Variants in SRBD1 observed in about 807,000 individuals in gnomAD.
SRBD1 encodes S1 RNA binding domain 1, also known as S1 RNA-binding domain-containing protein 1.
In SRBD1, 88 loss-of-function variants were observed where a neutral mutation model predicts 115.3. The observed-to-expected ratio is 0.76, with a 90% confidence interval of 0.64 to 0.91. SRBD1 has a LOEUF of 0.91. SRBD1 is among the 40% of genes least tolerant of loss of function. The pLI, the probability that SRBD1 is intolerant of heterozygous loss-of-function variation, is 0.00. For synonymous variants in SRBD1, 509 were observed against 407.7 expected (o/e 1.25, Z -2.99); for missense variants, 1,385 against 1,177.4 (o/e 1.18, Z -2.58).
intron 16 of SRBD1, among the ~76,000 whole-genome samples, chr2:45,474,123 T>C (rs1669733611): frequency 6.6e-6 from 1 of 152,248 alleles, no homozygotes; most frequent in Non-Finnish European, 1.5e-5. Context: ...TTTGAATTCA[T>C]TTTAATACAT....
intron 19 of SRBD1, among the ~76,000 whole-genome samples, chr2:45,398,941 T>G (rs755767504): frequency 6.6e-6 from 1 of 152,210 alleles, no homozygotes; most frequent in East Asian, 1.9e-4. Context: ...TGTACTGAAA[T>G]GTTGCTATTA....
chr2:45,487,943 C>T (rs1321793291), intron 15 of SRBD1, among the ~76,000 whole-genome samples: 2 of 152,150 alleles, frequency 1.3e-5, no homozygotes, highest in Non-Finnish European at 2.9e-5. Flanking sequence ...TGAGCCACCG[C>T]ACCCGGCCTA....
chr2:45,423,722 C>G (rs939812089), intron 16 of SRBD1, among the ~76,000 whole-genome samples: 6 of 151,960 alleles, frequency 3.9e-5, no homozygotes, highest in Non-Finnish European at 1.5e-5. Flanking sequence ...ATACCAAAGC[C>G]AAAGATACCT....
intron 16 of SRBD1, among the ~76,000 whole-genome samples, chr2:45,439,473 A>C (rs1453271044): frequency 6.6e-6 from 1 of 151,346 alleles, no homozygotes; most frequent in African/African-American, 2.4e-5. Flanking sequence ...GTTGACTGAG[A>C]AGATATGACT....
chr2:45,442,462 G>A (rs868118474), intron 16 of SRBD1, among the ~76,000 whole-genome samples: 1 of 152,260 alleles, frequency 6.6e-6, no homozygotes, highest in Middle Eastern at 3.4e-3. Context: ...ACACCCATTT[G>A]ACCCACAGAC....
At chr2:45,599,880 G>A (rs1325216939) in intron 3 of SRBD1, 45 bp from the exon 4 acceptor site, 2 of 1,545,662 alleles carry the variant, frequency 1.3e-6, no homozygotes, top group Non-Finnish European at 1.7e-6. Context: ...AAGATAAAAA[G>A]CAATTTCCTG....
At chr2:45,524,928 G>A (rs1401877127) in intron 14 of SRBD1, among the ~76,000 whole-genome samples, 1 of 151,972 alleles carries the variant, frequency 6.6e-6, no homozygotes, top group Non-Finnish European at 1.5e-5. Flanking sequence ...TGTGGTTATG[G>A]CACAAGGATA....
chr2:45,492,889 T>A (rs1022451569), intron 14 of SRBD1, among the ~76,000 whole-genome samples: 3 of 152,268 alleles, frequency 2.0e-5, no homozygotes, highest in Non-Finnish European at 4.4e-5. Context: ...TTACATGCTC[T>A]TTTATGTTAA....
intron 9 of SRBD1, among the ~76,000 whole-genome samples, chr2:45,571,830 A>T (rs1274748456): frequency 6.6e-6 from 1 of 152,082 alleles, no homozygotes; most frequent in East Asian, 1.9e-4. Context: ...AAATGGGAAT[A>T]TACAGTCAGA....
At chr2:45,469,379 G>A (rs1221986453) in intron 16 of SRBD1, among the ~76,000 whole-genome samples, 4 of 152,128 alleles carry the variant, frequency 2.6e-5, no homozygotes, top group African/African-American at 9.7e-5. Context: ...AAACTGAAAT[G>A]GATCTAGTTT....
intron 5 of SRBD1, 77 bp from the exon 6 acceptor site, chr2:45,581,887 AAAAGTTGCAGGT>A (rs1179534799): frequency 1.7e-6 from 2 of 1,189,848 alleles, no homozygotes; most frequent in Non-Finnish European, 1.2e-6. Context: ...AAACTTACAG[AAAAGTTGCAGGT>A]AAAGTAAAAG....
chr2:45,530,772 C>T (rs1671586284), intron 14 of SRBD1, among the ~76,000 whole-genome samples: 1 of 151,966 alleles, frequency 6.6e-6, no homozygotes, highest in African/African-American at 2.4e-5. Flanking sequence ...AGGGGCTGAA[C>T]CATATATGGT....
chr2:45,574,033 G>C (rs1240421556), intron 8 of SRBD1, among the ~76,000 whole-genome samples: 3 of 152,026 alleles, frequency 2.0e-5, no homozygotes, highest in Non-Finnish European at 2.9e-5. Flanking sequence ...TACAAAAATA[G>C]GGTTTTTAAT....
chr2:45,545,193 T>C (rs776891180), intron 14 of SRBD1, among the ~76,000 whole-genome samples: 24 of 143,374 alleles, frequency 1.7e-4, no homozygotes, highest in Non-Finnish European at 3.6e-4. Context: ...GGCAGGAGAG[T>C]GGCATGAACC....
At chr2:45,590,837 T>G (rs1673699038) in intron 4 of SRBD1, among the ~76,000 whole-genome samples, 1 of 152,106 alleles carries the variant, frequency 6.6e-6, no homozygotes, top group Admixed American at 6.6e-5. Context: ...ATCAATATGA[T>G]GAAACTCCGT....
intron 16 of SRBD1, among the ~76,000 whole-genome samples, chr2:45,462,412 T>C (rs1669343943): frequency 1.3e-5 from 2 of 152,152 alleles, no homozygotes; most frequent in African/African-American, 4.8e-5. Flanking sequence ...ACTGCATTCA[T>C]ACCCTCTGGC....
chr2:45,541,860 G>T (rs564323953), intron 14 of SRBD1, among the ~76,000 whole-genome samples: 1 of 152,334 alleles, frequency 6.6e-6, no homozygotes, highest in East Asian at 1.9e-4. Context: ...GGCTCAGAAG[G>T]GAGGAATGCA....
In SRBD1 at chr2:45,585,596, T is replaced by C. The variant is rs749771428; in HGVS notation, c.815+12A>G. ...CCCTTACACTAGGCTTATTCTTTTT[T>C]AGGTTTCTTACCGTAGCTCTTCTAG... On this transcript the variant is annotated intron_variant, in intron 5 of 20. Coordinates refer to ENST00000263736, the MANE Select transcript of SRBD1 (RefSeq NM_018079.5). 1 of 1,603,130 alleles carries C rather than the reference T, an allele frequency of 6.2e-7. No homozygotes were observed. The highest frequency in any genetic ancestry group is 1.3e-5 in the African/African-American group (1 of 74,128).
intron 4 of SRBD1, among the ~76,000 whole-genome samples, chr2:45,591,825 A>C (rs1201712446): frequency 6.6e-6 from 1 of 152,214 alleles, no homozygotes; most frequent in Non-Finnish European, 1.5e-5. Flanking sequence ...TTATTACACT[A>C]AAGTGTTAAC....
Sources: allele counts gnomAD v4.1 joint callset (sites outside exome capture counted in the v4.1 genomes callset), GRCh38; gene constraint gnomAD v4.1.1; transcripts MANE v1.5; gene names NCBI Gene and HGNC (gene_info 2026-07-23, HGNC 2026-07-21).